APC2: variants seen among roughly 807,000 people sequenced by gnomAD.
APC2 encodes adenomatous polyposis coli protein 2.
Under a neutral mutation model 72.5 loss-of-function variants are expected in APC2, and 41 were observed. The observed-to-expected ratio is 0.57, with a 90% CI of 0.44 to 0.73. The LOEUF is 0.73. Among genes scored for constraint, APC2 ranks in the 30% least tolerant of loss-of-function variants. The pLI, the probability that APC2 is intolerant of heterozygous loss-of-function variation, is 0.00. For missense variants in APC2, 3,729 were observed against 3,403.4 expected (o/e 1.10, Z -2.38); for synonymous variants, 1,898 against 1,612.0 (o/e 1.18, Z -4.25).
At position 1,460,167 on chromosome 19, in the gene APC2, T is replaced by C; in HGVS notation, c.1304-14T>C. The stretch of plus-strand genomic sequence containing the variant: ...TCATCCCTGCCACCCACCAACCTTG[T>C]TGGGTCCTCACAGGTGGGCTGCAGG... On this transcript the variant is annotated splice_polypyrimidine_tract_variant and intron_variant, in intron 10 of 14. Coordinates refer to ENST00000590469, the MANE Select transcript of APC2 (RefSeq NM_005883.3). 1 of 1,613,040 alleles carries C rather than the reference T, an allele frequency of 6.2e-7. No homozygotes were observed. Among genetic ancestry groups the C allele is most frequent in the South Asian group, 1.1e-5 (1 of 91,072 alleles).
chr19:1,450,686 C>T (rs1416851211), intron 1 of APC2, among the ~76,000 whole-genome samples: 5 of 152,224 alleles, frequency 3.3e-5, no homozygotes, highest in Non-Finnish European at 7.3e-5. Context: ...AGAAAGGCCC[C>T]TTTGGGCCTG....
rs2084031405 is a variant in APC2, at chr19:1,467,124, G to T, written c.3823G>T (p.Ala1275Ser). 1 of 1,589,708 alleles carries T rather than the reference G, an allele frequency of 6.3e-7. No homozygotes were observed. ...GAAGCCAGACGAGAACTTCTCGTGC[G>T]CCTCCAGCCTCAGCGCGCTGGCCTT... is the stretch of plus-strand genomic sequence containing the variant. ...VEKPDENFSC[A>S]SSLSALALHE... Residue 1275 changes from alanine to serine, a missense_variant, in exon 15 of 15, where the codon GCC (alanine) becomes TCC (serine). Coordinates refer to ENST00000590469, the MANE Select transcript of APC2 (RefSeq NM_005883.3).
chr19:1,468,864 C>A lies in APC2; in HGVS notation c.5563C>A (p.Leu1855Met). 1 of 1,545,038 alleles carries A rather than the reference C, an allele frequency of 6.5e-7. No homozygotes were observed. Among genetic ancestry groups the A allele is most frequent in the Non-Finnish European group, 8.7e-7 (1 of 1,153,090 alleles). The change falls in exon 15 of 15, where the codon CTG becomes ATG. Residue 1855 changes from leucine (L) to methionine (M), a missense_variant. Coordinates refer to ENST00000590469, the MANE Select transcript of APC2 (RefSeq NM_005883.3). ...RPAKTSELAT[L>M]SQPPRSATPP... Reference sequence around the variant, plus strand: ...TGCCAAGACCTCGGAGCTGGCGACGCTGAGCCAGCCCCCCAGAAGCGCCAC... The same window carrying A: ...TGCCAAGACCTCGGAGCTGGCGACGATGAGCCAGCCCCCCAGAAGCGCCAC...
At position 1,456,326 on chromosome 19, in the gene APC2, G is replaced by A. The variant is rs1338292554; in HGVS notation, c.738G>A (p.Ser246=). 1.2e-6 allele frequency: 2 copies of A among 1,608,732 alleles called. No homozygotes were observed. The highest frequency in any genetic ancestry group is 1.7e-6 in the Non-Finnish European group (2 of 1,178,456). Residue 246 remains serine, a synonymous_variant, in exon 8 of 15, where the codon TCG becomes TCA. Coordinates refer to ENST00000590469, the MANE Select transcript of APC2 (RefSeq NM_005883.3). The part of the protein sequence containing the change: ...TEPQALLAVK[S]VPVDEDPETE... ...TGCAGGCCTTGCTGGCGGTGAAGTCGGTGCCGGTGGACGAGGACCCCGAGA... is the reference window on the plus strand; with the variant it reads ...TGCAGGCCTTGCTGGCGGTGAAGTCAGTGCCGGTGGACGAGGACCCCGAGA...
rs1568168605 is a variant in APC2, at chr19:1,456,517, C to T, written c.816+113C>T. ...CCCATGCCTCCATCCAGCACCCCCT[C>T]GGGTGTAGGAAGGCCCCTCTGGCGT... is the stretch of plus-strand genomic sequence containing the variant. On this transcript the variant is annotated intron_variant, in intron 8 of 14. Coordinates refer to ENST00000590469, the MANE Select transcript of APC2 (RefSeq NM_005883.3). 9 of 1,161,196 alleles carry T rather than the reference C, an allele frequency of 7.8e-6. No individual in the cohort carries two copies. In the South Asian group the frequency reaches 9.1e-5, roughly 12 times the overall value. 71.9% of individuals were successfully genotyped at this position (1,161,196 alleles called of 1,614,324 possible).
chr19:1,460,464 C>T, intron 11 of APC2, 144 bp downstream of exon 11: 2 of 1,329,544 alleles, frequency 1.5e-6, no homozygotes, highest in African/African-American at 1.5e-5. Context: ...GACTGAGGCC[C>T]AGAGAGTGCG....
In APC2 at chr19:1,453,097, C is replaced by T. The variant is rs1052153630; in HGVS notation, c.96C>T (p.Asn32=). ...ACCTGAGGCAGGAGCTAAGGGACAA[C>T]TCCAGCCACCTGTCCAAGCTGGAGA... ...NSHLRQELRD[N]SSHLSKLETE... The change falls in exon 2 of 15, where the codon AAC becomes AAT. Residue 32 remains asparagine, a synonymous_variant. Coordinates refer to ENST00000590469, the MANE Select transcript of APC2 (RefSeq NM_005883.3). The T allele has an allele frequency of 3.1e-6, 5 of 1,607,998 alleles. No individual in the cohort carries two copies. Among genetic ancestry groups the T allele is most frequent in the Non-Finnish European group, 3.4e-6 (4 of 1,178,156 alleles).
Position 1,468,982 on chromosome 19 carries a change from C to A in APC2, c.5681C>A (p.Thr1894Asn). Reference protein sequence around the residue: ...QPLPRKRPPVTQAAGALPGPG... With the variant: ...QPLPRKRPPVNQAAGALPGPG... ...CTGCCCAGAAAGCGCCCCCCGGTCA[C>A]CCAGGCTGCTGGGGCCCTGCCCGGC... Residue 1894 changes from threonine (T) to asparagine (N), a missense_variant, in exon 15 of 15, where the codon ACC (threonine) becomes AAC (asparagine). Physicochemically the swap from Thr to Asn is moderately conservative, Grantham distance 65. Transcript: ENST00000590469. 2 of 1,561,598 alleles carry A rather than the reference C, an allele frequency of 1.3e-6. No individual in the cohort carries two copies. The highest frequency in any genetic ancestry group is 2.4e-5 in the East Asian group (1 of 41,384).
In APC2 at chr19:1,452,791, C is replaced by A; in HGVS notation, c.-18-193C>A. 1.6e-6 allele frequency: 1 copy of A among 640,060 alleles called. No homozygotes were observed. The highest frequency in any genetic ancestry group is 2.6e-6 in the Non-Finnish European group (1 of 382,044). 39.6% of individuals were successfully genotyped at this position (640,060 alleles called of 1,614,324 possible). On this transcript the variant is annotated intron_variant, in intron 1 of 14. Coordinates refer to ENST00000590469, the MANE Select transcript of APC2 (RefSeq NM_005883.3). The surrounding 1 kb of genome is among the most constrained non-coding windows in gnomAD (Gnocchi z 5.1). ...GGGCCACCTCTCACTCCACCTGCCC[C>A]TCTGCGCCCCGGATTGCCTGGCCAC... is the stretch of plus-strand genomic sequence containing the variant.
upstream of APC2, chr19:1,446,305 C>T: frequency 2.0e-6 from 2 of 985,104 alleles, no homozygotes; most frequent in Non-Finnish European, 2.4e-6. This position sits in a 1 kb window ranked among gnomAD's most constrained non-coding sequence, Gnocchi z 6.1. Context: ...TCCTGGGGCT[C>T]CTGAGCCTGC....
In APC2 at chr19:1,457,127, C is replaced by G. The variant is rs767165668; in HGVS notation, c.1091C>G (p.Ala364Gly). ...TTCTCGCAGCCGGACCAGGGCCTGG[C>G]GCGCAAGGAGATGCGCGTCCTGCAC... ...IVFSQPDQGL[A>G]RKEMRVLHVL... Residue 364 changes from alanine to glycine, a missense_variant, in exon 9 of 15, where the codon GCG (alanine) becomes GGG (glycine). By Grantham distance (60) the Ala-to-Gly change is moderately conservative. Transcript: ENST00000590469. 3.1e-6 allele frequency: 5 copies of G among 1,588,494 alleles called. No individual in the cohort carries two copies. In the Middle Eastern group the frequency reaches 7.2e-4, roughly 229 times the overall value.
intron 4 of APC2, among the ~76,000 whole-genome samples, chr19:1,454,794 C>A (rs1386013608): frequency 6.6e-6 from 1 of 152,148 alleles, no homozygotes; most frequent in Non-Finnish European, 1.5e-5. Context: ...GTCTCGATCT[C>A]CTGACCTCGT....
rs1446635072 is a variant in APC2 at position 1,452,988 on chromosome 19, T to C, written c.-14T>C. On this transcript the variant is annotated 5_prime_UTR_variant, in exon 2 of 15. Coordinates refer to ENST00000590469, the MANE Select transcript of APC2 (RefSeq NM_005883.3). The surrounding 1 kb of genome is among the most constrained non-coding windows in gnomAD (Gnocchi z 5.1). ...CCTCTGACCCTGTGATCCCAGACGC[T>C]GCAGGAGCTGAAGATGGCGAGCTCC... 2.5e-6 allele frequency: 4 copies of C among 1,610,830 alleles called. No individual in the cohort carries two copies. The highest frequency in any genetic ancestry group is 3.4e-6 in the Non-Finnish European group (4 of 1,179,844).
upstream of APC2, among the ~76,000 whole-genome samples, chr19:1,448,408 A>G (rs567812744): frequency 1.3e-5 from 2 of 152,130 alleles, no homozygotes; most frequent in African/African-American, 4.8e-5. Context: ...TTAGCTGGCA[A>G]GGTGGTACAT....
Position 1,456,287 on chromosome 19 carries a change from C to T in APC2, c.718-19C>T, listed in dbSNP as rs969808744. The T allele has an allele frequency of 2.9e-5, 47 of 1,599,466 alleles. No homozygotes were observed. The highest frequency in any genetic ancestry group is 3.9e-5 in the Non-Finnish European group (46 of 1,174,186). ...GGTGCTCTGGGACTGTACCCCCGACCCTGGTGCTCTCCCTGCAGGCCTTGC... is the reference window on the plus strand; with the variant it reads ...GGTGCTCTGGGACTGTACCCCCGACTCTGGTGCTCTCCCTGCAGGCCTTGC... On this transcript the variant is annotated intron_variant, in intron 7 of 14. Coordinates refer to ENST00000590469, the MANE Select transcript of APC2 (RefSeq NM_005883.3).
intron 9 of APC2, chr19:1,457,698 G>C (rs528841419): frequency 1.6e-5 from 9 of 550,128 alleles, no homozygotes; most frequent in Admixed American, 6.2e-5. Context: ...ACCCTGTCTC[G>C]TCAGTTTTAT....
At position 1,471,718 on chromosome 19, in the gene APC2, T is replaced by C. The variant is rs1397961178; in HGVS notation, c.*1505T>C. The C allele has an allele frequency of 1.3e-5, 2 of 152,292 alleles. No individual in the cohort carries two copies. The highest frequency in any genetic ancestry group is 6.5e-5 in the Admixed American group (1 of 15,282). 9.4% of individuals were successfully genotyped at this position (152,292 alleles called of 1,614,324 possible). On this transcript the variant is annotated 3_prime_UTR_variant, in exon 15 of 15. Transcript: ENST00000590469. ...AAGCAGGGTTTGAGGGTTGGGTGGA[T>C]GGAGCTCAGAAGGAAACCCCAGCCC...
Position 1,466,163 on chromosome 19 carries a change from C to T in APC2, c.2862C>T (p.Arg954=). Residue 954 remains arginine, a synonymous_variant, in exon 15 of 15, where the codon CGC becomes CGT. Transcript: ENST00000590469. Reference sequence around the variant, plus strand: ...CGCTGGCCGCACTGGCTTCGCGCCGCGAGGACCCCAGGTGTGGGCAGCCTC... The same window carrying T: ...CGCTGGCCGCACTGGCTTCGCGCCGTGAGGACCCCAGGTGTGGGCAGCCTC... ...PCPLAALASR[R]EDPRCGQPRP... The T allele has an allele frequency of 1.9e-6, 3 of 1,565,312 alleles. No homozygotes were observed. Among genetic ancestry groups the T allele is most frequent in the East Asian group, 2.4e-5 (1 of 42,082 alleles).
intron 4 of APC2, among the ~76,000 whole-genome samples, chr19:1,454,811 C>T (rs958815309): frequency 6.6e-6 from 1 of 152,198 alleles, no homozygotes; most frequent in Non-Finnish European, 1.5e-5. Context: ...TCGTGATCCG[C>T]CTGCCTCAGC....
Sources: gnomAD v4.1 joint callset for allele counts (sites outside exome capture counted in the v4.1 genomes callset) on GRCh38, gnomAD v4.1.1 for gene constraint, Gnocchi (gnomAD v3.1) non-coding constraint, MANE v1.5 for transcripts, NCBI Gene and HGNC (gene_info 2026-07-23, HGNC 2026-07-21) for gene names.